Variants in OTOF observed in about 807,000 individuals in gnomAD.
The protein encoded by OTOF is fer-1-like family member 2.
OTOF carries 218 observed loss-of-function variants against 236.8 expected under a neutral mutation model. That is an observed-to-expected ratio of 0.92 (90% confidence interval 0.82 to 1.03). OTOF has a LOEUF of 1.03. Ranked by LOEUF, OTOF falls within the 50% of genes least tolerant of loss-of-function variation. The pLI is 0.00. For synonymous variants in OTOF, 1,041 were observed against 1,072.5 expected (o/e 0.97, Z 0.57); for missense variants, 2,590 against 2,694.4 (o/e 0.96, Z 0.86).
At chr2:26,552,474 C>T (rs1046783520) in intron 1 of OTOF, among the ~76,000 whole-genome samples, 3 of 152,170 alleles carry the variant, frequency 2.0e-5, no homozygotes, top group Non-Finnish European at 2.9e-5. Flanking sequence ...CTTCCCAATT[C>T]AGAGAAATGA....
At chr2:26,519,557 C>G (rs1307877691) in intron 3 of OTOF, among the ~76,000 whole-genome samples, 2 of 152,208 alleles carry the variant, frequency 1.3e-5, no homozygotes. Context: ...CTCATCCATT[C>G]CACATCTGCA....
chr2:26,499,477 T>C (rs950252064), intron 8 of OTOF, among the ~76,000 whole-genome samples: 11 of 152,120 alleles, frequency 7.2e-5, no homozygotes, highest in Admixed American at 1.3e-4. Context: ...AAGTCGTATC[T>C]GGTTTTATTG....
chr2:26,505,730 A>G (rs1572459250), intron 5 of OTOF, among the ~76,000 whole-genome samples: 1 of 152,238 alleles, frequency 6.6e-6, no homozygotes, highest in Non-Finnish European at 1.5e-5. Context: ...GTAGGACTGC[A>G]CTTTTCTGTG....
Position 26,473,138 on chromosome 2 carries a change from T to C in OTOF, c.3727A>G (p.Thr1243Ala), listed in dbSNP as rs1319705634. The C allele has an allele frequency of 3.1e-6, 5 of 1,611,870 alleles. No individual in the cohort carries two copies. The highest frequency in any genetic ancestry group is 4.2e-6 in the Non-Finnish European group (5 of 1,179,736). ...PPDRSAPSWN[T>A]TVRLLRRCRV... ...AGGGTGGATGTGGCCATACCCGTGG[T>C]GTTCCAGCTGGGGGCCGAGCGGTCT... Residue 1243 changes from threonine to alanine, a missense_variant, in exon 29 of 47, where the codon ACC becomes GCC. Thr to Ala is a moderately conservative substitution (Grantham distance 58). This residue lies in a region of OTOF where 1,211 missense variants were observed against 1,352.8 expected (regional missense o/e 0.90). Coordinates refer to ENST00000272371, the MANE Select transcript of OTOF (RefSeq NM_194248.3). This position sits in a 1 kb window ranked among gnomAD's most constrained non-coding sequence, Gnocchi z 7.2.
At position 26,475,396 on chromosome 2, in the gene OTOF, G is replaced by A. The variant is rs1405139682; in HGVS notation, c.3089C>T (p.Pro1030Leu). The A allele has an allele frequency of 1.2e-6, 2 of 1,613,140 alleles. No individual in the cohort carries two copies. The highest frequency in any genetic ancestry group is 1.7e-6 in the Non-Finnish European group (2 of 1,179,960). Residue 1030 changes from proline to leucine, a missense_variant, in exon 25 of 47, where the codon CCC (proline) becomes CTC (leucine). By Grantham distance (98) the Pro-to-Leu change is moderately conservative. Around this residue, in one of 2 missense-constraint regions of OTOF, gnomAD observed 1,211 missense variants for 1,352.8 expected, o/e 0.90. Transcript: ENST00000272371. ...GTCATAGATTTCAATGACAATGATG[G>A]GCGGATCGTCCCTCAGCTCATGAGC... Reference protein sequence around the residue: ...GEAHELRDDPPIIVIEIYDQD... With the variant: ...GEAHELRDDPLIIVIEIYDQD...
At chr2:26,483,771 G>A (rs945317413) in intron 12 of OTOF, 123 bp from the exon 13 acceptor site, 3 of 864,416 alleles carry the variant, frequency 3.5e-6, no homozygotes, top group African/African-American at 3.4e-5. Context: ...GCAAGGCTAG[G>A]ATTAGACACT....
chr2:26,539,820 T>C (rs4462752), intron 1 of OTOF, among the ~76,000 whole-genome samples: 98,803 of 152,134 alleles, frequency 0.65, 36,227 homozygotes, highest in East Asian at 0.97. Flanking sequence ...CATACTTTGA[T>C]GTGAGCCACT....
chr2:26,486,534 G>A (rs1415388867), intron 11 of OTOF, among the ~76,000 whole-genome samples: 1 of 152,242 alleles, frequency 6.6e-6, no homozygotes, highest in Non-Finnish European at 1.5e-5. Context: ...AGAGAATACG[G>A]TTCAGGAGGA....
In OTOF at chr2:26,460,624, G is replaced by C. The variant is rs1044542401; in HGVS notation, c.5813+23C>G. ...GCCTCCAAGAGCCAGAGTGGGGAGG[G>C]GCTGGGCCGGCAGGGCACTCACTTG... is the stretch of plus-strand genomic sequence containing the variant. On this transcript the variant is annotated intron_variant, in intron 45 of 46. Transcript: ENST00000272371. The surrounding 1 kb of genome is among the most constrained non-coding windows in gnomAD (Gnocchi z 5.3). The C allele has an allele frequency of 6.3e-7, 1 of 1,586,112 alleles. No individual in the cohort carries two copies. The highest frequency in any genetic ancestry group is 1.3e-5 in the African/African-American group (1 of 74,366).
At position 26,465,723 on chromosome 2, in the gene OTOF, C is replaced by T. The variant is rs139416718; in HGVS notation, c.4748G>A (p.Arg1583His). The T allele has an allele frequency of 1.5e-5, 24 of 1,614,136 alleles. No homozygotes were observed. Among genetic ancestry groups the T allele is most frequent in the Non-Finnish European group, 1.9e-5 (22 of 1,180,058 alleles). Residue 1583 changes from arginine (R) to histidine (H), a missense_variant, in exon 38 of 47, where the codon CGC (arginine) becomes CAC (histidine). By Grantham distance (29) the Arg-to-His change is conservative. Around this residue, in one of 2 missense-constraint regions of OTOF, gnomAD observed 1,211 missense variants for 1,352.8 expected, o/e 0.90. Transcript: ENST00000272371. ...GGTGGCGCGGTGCTTGCTGTAGAAGCGGTTCTCCAGGTCGATCTTGGTTTC... is the reference window on the plus strand; with the variant it reads ...GGTGGCGCGGTGCTTGCTGTAGAAGTGGTTCTCCAGGTCGATCTTGGTTTC... Reference protein sequence around the residue: ...IGETKIDLENRFYSKHRATCG... With the variant: ...IGETKIDLENHFYSKHRATCG...
At chr2:26,459,538 C>A (rs532333181) in intron 46 of OTOF, among the ~76,000 whole-genome samples, 1 of 127,958 alleles carries the variant, frequency 7.8e-6, no homozygotes, top group Admixed American at 9.6e-5. Flanking sequence ...GGCGACAGAG[C>A]GAGACTCTGT....
In OTOF at chr2:26,465,865, A is replaced by C. The variant is rs1317520437; in HGVS notation, c.4629-23T>G. 9 of 1,614,066 alleles carry C rather than the reference A, an allele frequency of 5.6e-6. No homozygotes were observed. The African/African-American group carries it at 1.2e-4, about 22-fold the overall frequency. On this transcript the variant is annotated intron_variant, in intron 37 of 46. Transcript: ENST00000272371. ...GACCTGGTGGGGTGGAGTTAGGAGA[A>C]GGGCTTAAGGATTGGCTAGGGTGGG...
intron 2 of OTOF, among the ~76,000 whole-genome samples, chr2:26,532,265 G>A (rs945553437): frequency 2.6e-5 from 4 of 152,092 alleles, no homozygotes; most frequent in African/African-American, 4.8e-5. Context: ...AGAGTTGCCC[G>A]CGGGCACAAG....
Position 26,460,254 on chromosome 2 carries a change from G to A in OTOF, c.5814-49C>T, listed in dbSNP as rs1301134576. ...GCAGAGGAGGGACAGGGAGGAGAAG[G>A]GATTGGGTGTGGCGAGGGGCCAAGA... On this transcript the variant is annotated intron_variant, in intron 45 of 46. Transcript: ENST00000272371. The surrounding 1 kb of genome is among the most constrained non-coding windows in gnomAD (Gnocchi z 5.3). 4.7e-6 allele frequency: 7 copies of A among 1,486,928 alleles called. No homozygotes were observed. The highest frequency in any genetic ancestry group is 4.7e-5 in the East Asian group (2 of 42,266). The allele number at this position is 1,486,928 out of a possible 1,614,324, so 92.1% of individuals were successfully genotyped here.
intron 8 of OTOF, among the ~76,000 whole-genome samples, chr2:26,500,243 T>C (rs1392453504): frequency 3.3e-5 from 5 of 152,238 alleles, no homozygotes; most frequent in African/African-American, 4.8e-5. Flanking sequence ...TTCTTACCTA[T>C]AAATGCAGTA....
chr2:26,504,583 A>G (rs1572458299), intron 5 of OTOF, among the ~76,000 whole-genome samples: 1 of 152,014 alleles, frequency 6.6e-6, no homozygotes, highest in Non-Finnish European at 1.5e-5. Context: ...GGCAGGCTCC[A>G]TAGTTCCTAC....
intron 8 of OTOF, among the ~76,000 whole-genome samples, chr2:26,496,657 A>G (rs1420100414): frequency 6.6e-6 from 1 of 152,064 alleles, no homozygotes; most frequent in African/African-American, 2.4e-5. Context: ...CCTCATTTTA[A>G]GCCATCAGGT....
At chr2:26,535,620 G>A (rs1667051571) in intron 2 of OTOF, among the ~76,000 whole-genome samples, 1 of 152,146 alleles carries the variant, frequency 6.6e-6, no homozygotes, top group Admixed American at 6.5e-5. Context: ...CTAGTCATGT[G>A]CTTCTTCCAT....
intron 5 of OTOF, among the ~76,000 whole-genome samples, chr2:26,513,330 C>T (rs575667795): frequency 6.6e-6 from 1 of 152,178 alleles, no homozygotes; most frequent in Non-Finnish European, 1.5e-5. Context: ...CCCAGAGAAG[C>T]AGGCCAGGCA....
Sources: allele counts gnomAD v4.1 joint callset (sites outside exome capture counted in the v4.1 genomes callset), GRCh38; gene constraint gnomAD v4.1.1; regional missense constraint gnomAD v4.1.1; non-coding constraint Gnocchi (gnomAD v3.1); transcripts MANE v1.5; gene names NCBI Gene and HGNC (gene_info 2026-07-23, HGNC 2026-07-21).